Variants in MAN1C1 observed in about 807,000 individuals in gnomAD.
MAN1C1 encodes mannosidase alpha class 1C member 1.
A neutral mutation model predicts 71.5 loss-of-function variants in MAN1C1; 49 were observed. The ratio of observed to expected loss-of-function variants is 0.69; its 90% CI spans 0.54 to 0.87. The LOEUF is 0.87. Among genes scored for constraint, MAN1C1 ranks in the 40% least tolerant of loss-of-function variants. The pLI is 0.00. For synonymous variants in MAN1C1, 352 were observed against 343.7 expected (o/e 1.02, Z -0.27); for missense variants, 743 against 835.0 (o/e 0.89, Z 1.36).
At chr1:25,640,646 G>C (rs2045524049) in intron 1 of MAN1C1, among the ~76,000 whole-genome samples, 2 of 152,200 alleles carry the variant, frequency 1.3e-5, no homozygotes, top group Admixed American at 1.3e-4. Context: ...CCTTTGTAGA[G>C]AAAGGTTCAT....
Position 25,681,116 on chromosome 1 carries a change from C to T in MAN1C1, c.541-5324C>T, listed in dbSNP as rs550115024. Among the ~76,000 whole-genome samples, 3 of 151,736 alleles carry T rather than the reference C, an allele frequency of 2.0e-5. No individual in the cohort carries two copies. In the South Asian group the frequency reaches 6.2e-4, roughly 32 times the overall value. On this transcript the variant is annotated intron_variant, in intron 1 of 11. Coordinates refer to ENST00000374332, the MANE Select transcript of MAN1C1 (RefSeq NM_020379.4). ...AAAAGCATACCTGTAATCCCAGCTA[C>T]TCAAGAGGCTGAGGCAGGAGAATCG...
chr1:25,775,314 T>C lies in MAN1C1; in HGVS notation c.1258-2791T>C, dbSNP rs2124408131. On this transcript the variant is annotated intron_variant, in intron 8 of 11. Transcript: ENST00000374332. This position sits in a 1 kb window ranked among gnomAD's most constrained non-coding sequence, Gnocchi z 5.1. ...CAGCCCGGCTGCTCTGCAGGTGTCCTCAGCACTCCCCCATGTGGAGCAGGT... is the reference window on the plus strand; with the variant it reads ...CAGCCCGGCTGCTCTGCAGGTGTCCCCAGCACTCCCCCATGTGGAGCAGGT... 6.6e-6 allele frequency among the ~76,000 whole-genome samples: 1 copy of C among 152,350 alleles called. No individual in the cohort carries two copies. The highest frequency in any genetic ancestry group is 1.9e-4 in the East Asian group (1 of 5,186).
rs2047621488 is a variant in MAN1C1 at position 25,776,527 on chromosome 1, TG to T, written c.1258-1575del. Among the ~76,000 whole-genome samples, 1 of 151,084 alleles carries T rather than the reference TG, an allele frequency of 6.6e-6. No homozygotes were observed. The highest frequency in any genetic ancestry group is 2.4e-5 in the African/African-American group (1 of 41,374). On this transcript the variant is annotated intron_variant, in intron 8 of 11. Coordinates refer to ENST00000374332, the MANE Select transcript of MAN1C1 (RefSeq NM_020379.4). The surrounding 1 kb of genome is among the most constrained non-coding windows in gnomAD (Gnocchi z 4.3). ...AAGATCATGCCACTGCACTTCAGCC[TG>T]GGTGACAGAGTAAGACTGTGTCTCA...
In MAN1C1 at chr1:25,687,909, TCTG is replaced by T. The variant is rs1281218091; in HGVS notation, c.637+1376_637+1378del. ...TGCTTATTCTCAATCTTTTCTTCTT[TCTG>T]CTTTTTCTTCCTTTTATATACCATT... On this transcript the variant is annotated intron_variant, in intron 2 of 11. Coordinates refer to ENST00000374332, the MANE Select transcript of MAN1C1 (RefSeq NM_020379.4). Among the ~76,000 whole-genome samples the T allele has an allele frequency of 5.9e-5, 9 of 152,352 alleles. No homozygotes were observed. In the South Asian group the frequency reaches 1.4e-3, roughly 25 times the overall value.
At chr1:25,657,812 A>G (rs1044693725) in intron 1 of MAN1C1, among the ~76,000 whole-genome samples, 9 of 152,332 alleles carry the variant, frequency 5.9e-5, no homozygotes, top group African/African-American at 1.9e-4. Context: ...TGTATATATC[A>G]TCCTCACTAG....
chr1:25,739,996 CT>C (rs2047037730), intron 2 of MAN1C1, among the ~76,000 whole-genome samples: 2 of 152,160 alleles, frequency 1.3e-5, no homozygotes, highest in Non-Finnish European at 2.9e-5. Flanking sequence ...TTCCTAAATA[CT>C]TACGGGCCCC....
intron 2 of MAN1C1, among the ~76,000 whole-genome samples, chr1:25,736,793 T>G (rs1195977745): frequency 6.6e-6 from 1 of 152,114 alleles, no homozygotes; most frequent in African/African-American, 2.4e-5. Flanking sequence ...TCCCAAAGTG[T>G]TGTAATTACA....
At chr1:25,767,229 AC>A (rs1462190195) in intron 7 of MAN1C1, among the ~76,000 whole-genome samples, 1 of 116,320 alleles carries the variant, frequency 8.6e-6, no homozygotes, top group Non-Finnish European at 1.7e-5. Flanking sequence ...ATACACACAC[AC>A]CCACACTCCC....
chr1:25,699,396 G>T (rs1189942298), intron 2 of MAN1C1, among the ~76,000 whole-genome samples: 1 of 152,124 alleles, frequency 6.6e-6, no homozygotes, highest in South Asian at 2.1e-4. Context: ...GGGAGATGTG[G>T]CAAGACCTCG....
chr1:25,638,612 A>G (rs922540666), intron 1 of MAN1C1, among the ~76,000 whole-genome samples: 5 of 152,020 alleles, frequency 3.3e-5, no homozygotes, highest in African/African-American at 1.2e-4. Flanking sequence ...TTTATCAGAA[A>G]GCATCTCTAT....
In MAN1C1 at chr1:25,775,741, GC is replaced by G. The variant is rs35990149; in HGVS notation, c.1258-2363del. ...CTGGAGCATGCAGGAAGGAGGCGCA[GC>G]ACCAGCTAAGCCCCGAAGCAGGAAG... On this transcript the variant is annotated intron_variant, in intron 8 of 11. Transcript: ENST00000374332. This position sits in a 1 kb window ranked among gnomAD's most constrained non-coding sequence, Gnocchi z 5.1. Among the ~76,000 whole-genome samples the G allele has an allele frequency of 0.082, 12,535 of 152,228 alleles. 593 individuals carry two copies. The highest frequency in any genetic ancestry group is 0.12 in the African/African-American group (5,030 of 41,510).
rs190371026 is a variant in MAN1C1 at position 25,758,569 on chromosome 1, G to A, written c.930-23G>A. On this transcript the variant is annotated intron_variant, in intron 5 of 11. Transcript: ENST00000374332. The stretch of plus-strand genomic sequence containing the variant: ...CCAGCCTGGCCAAAGGGGGGATGAC[G>A]GGGGCTGCTTCTGTCTTTTCAGTGG... 8.4e-5 allele frequency: 135 copies of A among 1,610,534 alleles called. No individual in the cohort carries two copies. The Admixed American group carries it at 1.9e-3, about 22-fold the overall frequency.
At chr1:25,721,006 C>G (rs953341192) in intron 2 of MAN1C1, among the ~76,000 whole-genome samples, 7 of 152,154 alleles carry the variant, frequency 4.6e-5, no homozygotes, top group Admixed American at 1.3e-4. Context: ...TCTGGACTCT[C>G]GATTTCATTG....
intron 1 of MAN1C1, among the ~76,000 whole-genome samples, chr1:25,621,131 G>A (rs534671506): frequency 6.6e-6 from 1 of 152,332 alleles, no homozygotes; most frequent in South Asian, 2.1e-4. Context: ...CTTGCTTCTG[G>A]CCCTGGCCCC....
chr1:25,684,709 C>A (rs2046203662), intron 1 of MAN1C1, among the ~76,000 whole-genome samples: 1 of 152,200 alleles, frequency 6.6e-6, no homozygotes, highest in Non-Finnish European at 1.5e-5. Context: ...GCGCGGGCAC[C>A]AGGAGTGGCC....
intron 8 of MAN1C1, among the ~76,000 whole-genome samples, chr1:25,777,247 C>T (rs1430542964): frequency 6.6e-6 from 1 of 152,028 alleles, no homozygotes; most frequent in African/African-American, 2.4e-5. Context: ...CTGGAAGGGC[C>T]CCAGAGGACC....
intron 1 of MAN1C1, among the ~76,000 whole-genome samples, chr1:25,674,598 G>C (rs1178057068): frequency 6.6e-6 from 1 of 152,198 alleles, no homozygotes; most frequent in Non-Finnish European, 1.5e-5. Context: ...AAGATGAGTG[G>C]AATTCACCAG....
chr1:25,730,297 C>T lies in MAN1C1; in HGVS notation c.638-16371C>T, dbSNP rs561098152. Reference sequence around the variant, plus strand: ...CAGAGGCAGAGACTGGCCTTCTCCACGCATGATTAAGCACGATGGCTTTTT... The same window carrying T: ...CAGAGGCAGAGACTGGCCTTCTCCATGCATGATTAAGCACGATGGCTTTTT... On this transcript the variant is annotated intron_variant, in intron 2 of 11. Coordinates refer to ENST00000374332, the MANE Select transcript of MAN1C1 (RefSeq NM_020379.4). The surrounding 1 kb of genome is among the most constrained non-coding windows in gnomAD (Gnocchi z 4.3). Among the ~76,000 whole-genome samples the T allele has an allele frequency of 6.6e-5, 10 of 152,302 alleles. No individual in the cohort carries two copies. Among genetic ancestry groups the T allele is most frequent in the East Asian group, 3.8e-4 (2 of 5,196 alleles).
intron 2 of MAN1C1, among the ~76,000 whole-genome samples, chr1:25,698,398 C>T (rs2046393878): frequency 1.3e-5 from 2 of 152,128 alleles, no homozygotes; most frequent in Non-Finnish European, 2.9e-5. Context: ...ATGATAATGC[C>T]CTCTTACAGG....
Sources: allele counts gnomAD v4.1 joint callset (sites outside exome capture counted in the v4.1 genomes callset), GRCh38; gene constraint gnomAD v4.1.1; non-coding constraint Gnocchi (gnomAD v3.1); transcripts MANE v1.5; gene names NCBI Gene and HGNC (gene_info 2026-07-23, HGNC 2026-07-21).